The following ZNF469 variants were observed in gnomAD, a reference collection of about 807,000 sequenced individuals.
ZNF469 encodes zinc finger protein 469.
Under a neutral mutation model 1.0 loss-of-function variants are expected in ZNF469, and 1 was observed. The ratio of observed to expected loss-of-function variants is 1.00; its 90% CI spans 0.35 to 4.73. The LOEUF (loss-of-function observed/expected upper bound fraction) is 4.73, where lower values mean the gene tolerates loss of function less well. Ranked by LOEUF, ZNF469 falls within the 30% of genes most tolerant of loss-of-function variation. ZNF469 has a pLI of 0.16. For synonymous variants in ZNF469, 2,703 were observed against 2,363.4 expected, an observed-to-expected ratio of 1.14 and a Z score of -4.17; for missense variants, 6,100 against 5,356.3, an observed-to-expected ratio of 1.14 and a Z score of -4.33.
At chr16:88,141,790 C>T in the ZNF469 span, among the ~76,000 whole-genome samples, 2 of 151,882 alleles carry the variant, frequency 1.3e-5, no homozygotes, top group Non-Finnish European at 2.9e-5. Context: ...ACGTCAGAGG[C>T]ACCATGAGCC....
In ZNF469 at chr16:88,435,406, G is replaced by C. The variant is rs1413197098; in HGVS notation, c.7936G>C (p.Glu2646Gln). The part of the protein sequence containing the change: ...GKLRGRRLRE[E>Q]SILPVSADVI... ...GCTGAGAGGGAGAAGGCTCCGGGAG[G>C]AGAGCATTCTTCCAGTCTCTGCTGA... Residue 2646 changes from glutamate (E) to glutamine (Q), a missense_variant, in exon 3 of 3, where the codon GAG (glutamate) becomes CAG (glutamine). Glu to Gln is a conservative substitution (Grantham distance 29, BLOSUM62 2). Transcript: ENST00000565624. 16 of 1,550,244 alleles carry C rather than the reference G, an allele frequency of 1.0e-5. No homozygotes were observed. Among genetic ancestry groups the C allele is most frequent in the Non-Finnish European group, 1.4e-5 (16 of 1,146,992 alleles).
the ZNF469 span, among the ~76,000 whole-genome samples, chr16:88,231,429 G>A: frequency 7.9e-5 from 12 of 152,266 alleles, no homozygotes; most frequent in Non-Finnish European, 1.8e-4. This position sits in a 1 kb window ranked among gnomAD's most constrained non-coding sequence, Gnocchi z 4.5. Context: ...AGGTGTGTCA[G>A]TGCCACGGGG....
chr16:88,347,095 G>A, the ZNF469 span, among the ~76,000 whole-genome samples: 3 of 152,172 alleles, frequency 2.0e-5, no homozygotes, highest in African/African-American at 7.2e-5. Flanking sequence ...GAGCTTGGGC[G>A]GTCTCAGCAT....
At chr16:88,131,367 CTGTT>C in the ZNF469 span, among the ~76,000 whole-genome samples, 1,086 of 144,240 alleles carry the variant, frequency 7.5e-3, no homozygotes, top group African/African-American at 0.026. Flanking sequence ...AGGGGCCGGC[CTGTT>C]TGTTAGAACC....
chr16:88,235,523 C>T, the ZNF469 span, among the ~76,000 whole-genome samples: 6 of 152,208 alleles, frequency 3.9e-5, 1 homozygote, highest in Admixed American at 2.6e-4. Context: ...TTGAAACCAG[C>T]GCTGTCGCAC....
the ZNF469 span, chr16:88,100,991 C>T: frequency 1.1e-5 from 3 of 266,520 alleles, no homozygotes; most frequent in East Asian, 1.5e-4. Flanking sequence ...GGCGTGGAGC[C>T]GGGGCACGGG....
the ZNF469 span, among the ~76,000 whole-genome samples, chr16:88,366,347 TCATCATCACCACCATCACCATCAGCCC>T: frequency 6.7e-6 from 1 of 149,764 alleles, no homozygotes; most frequent in African/African-American, 2.5e-5. Context: ...ACCACCACCA[TCATCATCACCACCATCACCATCAGCCC>T]CATCATCACC....
At chr16:88,422,377 A>G (rs1905496386) in intron 1 of ZNF469, among the ~76,000 whole-genome samples, 1 of 122,522 alleles carries the variant, frequency 8.2e-6, no homozygotes, top group Non-Finnish European at 1.7e-5. Flanking sequence ...GGGTGGATGA[A>G]TGAATGGGTG....
intron 1 of ZNF469, among the ~76,000 whole-genome samples, chr16:88,390,517 A>G (rs902968009): frequency 6.6e-6 from 1 of 152,184 alleles, no homozygotes; most frequent in African/African-American, 2.4e-5. Flanking sequence ...CCCAAGTCTC[A>G]CTTGGACACA....
chr16:88,337,808 A>C, the ZNF469 span, among the ~76,000 whole-genome samples: 2 of 152,182 alleles, frequency 1.3e-5, no homozygotes, highest in African/African-American at 4.8e-5. Flanking sequence ...CCACTCAGAT[A>C]CACGGCCTCT....
chr16:88,267,574 G>A, the ZNF469 span, among the ~76,000 whole-genome samples: 11 of 152,172 alleles, frequency 7.2e-5, no homozygotes, highest in Non-Finnish European at 4.4e-5. Flanking sequence ...AGTCCCTTTC[G>A]GTTCCAAATG....
intron 1 of ZNF469, among the ~76,000 whole-genome samples, chr16:88,392,418 G>T (rs181481965): frequency 4.7e-4 from 72 of 152,352 alleles, no homozygotes; most frequent in African/African-American, 1.6e-3. Context: ...AGCCTTCTCT[G>T]TTTTCTCCGG....
chr16:88,355,188 A>G, the ZNF469 span, among the ~76,000 whole-genome samples: 52 of 152,270 alleles, frequency 3.4e-4, 1 homozygote, highest in East Asian at 8.9e-3. Flanking sequence ...CAACGAGACT[A>G]TCACGCCCCC....
chr16:88,373,995 G>C, the ZNF469 span, among the ~76,000 whole-genome samples: 1 of 149,514 alleles, frequency 6.7e-6, no homozygotes, highest in East Asian at 1.9e-4. Flanking sequence ...GTGAGACTTT[G>C]TCTAAAATTA....
chr16:88,383,264 G>C lies in ZNF469; in HGVS notation c.-192+10G>C, dbSNP rs1412865322. Among the ~76,000 whole-genome samples the C allele has an allele frequency of 6.8e-6, 1 of 147,124 alleles. No homozygotes were observed. The highest frequency in any genetic ancestry group is 2.4e-5 in the African/African-American group (1 of 40,908). ...GGGCCTCGGAGCGGAGGTGAGTGCG[G>C]ATGCGCCGCCTGGGCGCGCGCGGTG... On this transcript the variant is annotated intron_variant, in intron 1 of 2. Transcript: ENST00000565624.
upstream of ZNF469, among the ~76,000 whole-genome samples, chr16:88,381,820 A>G (rs2092526040): frequency 6.6e-6 from 1 of 152,214 alleles, no homozygotes; most frequent in Non-Finnish European, 1.5e-5. Context: ...TTTATTCTAT[A>G]CCGTTCGCAG....
chr16:88,333,848 CGTG>C, the ZNF469 span, among the ~76,000 whole-genome samples: 1 of 40,158 alleles, frequency 2.5e-5, no homozygotes, highest in Non-Finnish European at 5.7e-5. Context: ...GTGGGGGGGA[CGTG>C]GGGGCAGTTG....
intron 1 of ZNF469, among the ~76,000 whole-genome samples, chr16:88,403,622 G>A (rs924043792): frequency 6.6e-6 from 1 of 152,260 alleles, no homozygotes. Context: ...TGCTGGGACA[G>A]GGAGCAGGGC....
chr16:88,437,484 C>T lies in ZNF469; in HGVS notation c.10014C>T (p.Asp3338=). 3 of 1,538,218 alleles carry T rather than the reference C, an allele frequency of 2.0e-6. No individual in the cohort carries two copies. The highest frequency in any genetic ancestry group is 2.6e-6 in the Non-Finnish European group (3 of 1,138,832). The change falls in exon 3 of 3, where the codon GAC becomes GAT. Residue 3338 remains aspartate (D), a synonymous_variant. Coordinates refer to ENST00000565624, the MANE Select transcript of ZNF469 (RefSeq NM_001367624.2). ...VHEACKDPSR[D]CHHCGKRFPK... ...AGGCCTGCAAGGACCCCTCCCGCGA[C>T]TGCCACCACTGCGGGAAGCGCTTCC...
Sources: allele counts gnomAD v4.1 joint callset (sites outside exome capture counted in the v4.1 genomes callset), GRCh38; gene constraint gnomAD v4.1.1; non-coding constraint Gnocchi (gnomAD v3.1); transcripts MANE v1.5; gene names NCBI Gene and HGNC (gene_info 2026-07-23, HGNC 2026-07-21).